AFF3: variants seen among roughly 807,000 people sequenced by gnomAD.
AFF3 encodes the protein ALF transcription elongation factor 3, also known as AF4/FMR2 family member 3.
In AFF3, 32 loss-of-function variants were observed where a neutral mutation model predicts 129.7. The ratio of observed to expected loss-of-function variants is 0.25; its 90% confidence interval spans 0.19 to 0.33. The LOEUF (loss-of-function observed/expected upper bound fraction) is 0.33, where lower values mean the gene tolerates loss of function less well. Ranked by LOEUF, AFF3 falls within the 10% of genes least tolerant of loss-of-function variation. The pLI, the probability that AFF3 is intolerant of heterozygous loss-of-function variation, is 1.00. For synonymous variants in AFF3, 644 were observed against 635.4 expected (o/e 1.01, Z -0.20); for missense variants, 1,373 against 1,592.0 (o/e 0.86, Z 2.34).
intron 4 of AFF3, among the ~76,000 whole-genome samples, chr2:100,047,419 A>C (rs1365197146): frequency 1.3e-5 from 2 of 152,224 alleles, no homozygotes; most frequent in East Asian, 3.8e-4. Flanking sequence ...GGAGACGGTG[A>C]GTTCCAGAAC....
intron 13 of AFF3, among the ~76,000 whole-genome samples, chr2:99,634,177 G>A (rs188426831): frequency 1.3e-5 from 2 of 152,228 alleles, no homozygotes; most frequent in East Asian, 1.9e-4. Context: ...CAAAGTGCTG[G>A]GATTACAGGC....
At chr2:99,926,318 G>C (rs1696234598) in intron 7 of AFF3, among the ~76,000 whole-genome samples, 1 of 152,186 alleles carries the variant, frequency 6.6e-6, no homozygotes, top group African/African-American at 2.4e-5. Flanking sequence ...TCCCCAGTAA[G>C]CATGCACACC....
chr2:100,030,593 C>T (rs1392339487), intron 4 of AFF3, among the ~76,000 whole-genome samples: 1 of 152,154 alleles, frequency 6.6e-6, no homozygotes, highest in Admixed American at 6.5e-5. Flanking sequence ...TTCATAATCA[C>T]CAAAATCTGA....
At chr2:99,801,499 C>A (rs755205613) in intron 8 of AFF3, among the ~76,000 whole-genome samples, 1 of 152,104 alleles carries the variant, frequency 6.6e-6, no homozygotes, top group Non-Finnish European at 1.5e-5. Context: ...CAGGGGTGGG[C>A]CCCTAAGCAA....
At chr2:100,129,634 G>C (rs1692338867) in intron 1 of AFF3, among the ~76,000 whole-genome samples, 1 of 152,162 alleles carries the variant, frequency 6.6e-6, no homozygotes, top group South Asian at 2.1e-4. Flanking sequence ...TAATTCACTT[G>C]TTCTTCAGGT....
intron 4 of AFF3, among the ~76,000 whole-genome samples, chr2:100,052,594 C>G (rs932937644): frequency 6.6e-6 from 1 of 152,196 alleles, no homozygotes; most frequent in African/African-American, 2.4e-5. Context: ...CAGGGTCTGT[C>G]TCCAGTCCTC....
chr2:99,563,383 G>C (rs1310795256), intron 20 of AFF3, among the ~76,000 whole-genome samples: 1 of 151,438 alleles, frequency 6.6e-6, no homozygotes, highest in African/African-American at 2.4e-5. Context: ...GTAGAGACGG[G>C]GTTTCATCGT....
intron 8 of AFF3, among the ~76,000 whole-genome samples, chr2:99,812,669 C>A (rs2105601302): frequency 6.6e-6 from 1 of 152,306 alleles, no homozygotes; most frequent in South Asian, 2.1e-4. Context: ...ATTGCAGTTC[C>A]TATTAACGGC....
intron 7 of AFF3, among the ~76,000 whole-genome samples, chr2:99,937,994 G>T (rs1674682932): frequency 6.6e-6 from 1 of 152,130 alleles, no homozygotes; most frequent in Non-Finnish European, 1.5e-5. Flanking sequence ...ACAAAGAGAT[G>T]AATGTGGATC....
chr2:99,983,124 G>C (rs1018689714), intron 7 of AFF3, among the ~76,000 whole-genome samples: 1 of 152,232 alleles, frequency 6.6e-6, no homozygotes, highest in African/African-American at 2.4e-5. Flanking sequence ...GATTAGAAAT[G>C]TATTAAATGA....
chr2:99,563,295 A>T (rs1476463658), intron 20 of AFF3, among the ~76,000 whole-genome samples: 1 of 150,948 alleles, frequency 6.6e-6, no homozygotes, highest in Non-Finnish European at 1.5e-5. Flanking sequence ...GGTTCACGCC[A>T]TTCTCCTGCC....
At chr2:100,009,805 G>A (rs912575638) in intron 4 of AFF3, among the ~76,000 whole-genome samples, 2 of 152,198 alleles carry the variant, frequency 1.3e-5, no homozygotes, top group Admixed American at 1.3e-4. Context: ...AAATGCACTT[G>A]TTTTTCTGGC....
At chr2:99,972,306 A>G (rs1678465024) in intron 7 of AFF3, among the ~76,000 whole-genome samples, 1 of 151,768 alleles carries the variant, frequency 6.6e-6, no homozygotes, top group Admixed American at 6.5e-5. Context: ...CAGCAGAAAC[A>G]TTTGGACAGA....
chr2:99,581,203 C>A (rs1346784743), intron 17 of AFF3, among the ~76,000 whole-genome samples: 2 of 152,182 alleles, frequency 1.3e-5, no homozygotes, highest in Non-Finnish European at 2.9e-5. Context: ...TAAATAAAAT[C>A]TACAATTGGT....
chr2:99,820,975 C>T (rs558716633), intron 8 of AFF3, among the ~76,000 whole-genome samples: 1 of 149,436 alleles, frequency 6.7e-6, no homozygotes, highest in African/African-American at 2.5e-5. Context: ...CAGGTTCAAG[C>T]AATTCTCCTG....
rs560843153 is a variant in AFF3, at chr2:99,690,038, G to C, written c.1092-17449C>G. ...GGAGGTGGAGGTTGCAGTGAGCCGAGATCACACGACTGCACTCCAGCCTGG... is the reference window on the plus strand; with the variant it reads ...GGAGGTGGAGGTTGCAGTGAGCCGACATCACACGACTGCACTCCAGCCTGG... On this transcript the variant is annotated intron_variant, in intron 11 of 24. Coordinates refer to ENST00000672756, the MANE Select transcript of AFF3 (RefSeq NM_001386135.1). Among the ~76,000 whole-genome samples the C allele has an allele frequency of 4.7e-5, 7 of 148,198 alleles. No individual in the cohort carries two copies. The South Asian group carries it at 1.3e-3, about 28-fold the overall frequency.
intron 7 of AFF3, among the ~76,000 whole-genome samples, chr2:99,874,117 C>T (rs1231540801): frequency 1.3e-5 from 2 of 152,104 alleles, no homozygotes; most frequent in African/African-American, 2.4e-5. Flanking sequence ...GTGGAGCTTA[C>T]AGTGAGTCGA....
In AFF3 at chr2:100,042,282, C is replaced by T. The variant is rs72966461; in HGVS notation, c.54-33350G>A. The stretch of plus-strand genomic sequence containing the variant: ...AGAGGGCCCTCCGCAGCCACCCCAG[C>T]GAGTGCTGCCTTTCACCTGCAATCA... On this transcript the variant is annotated intron_variant, in intron 4 of 24. Coordinates refer to ENST00000672756, the MANE Select transcript of AFF3 (RefSeq NM_001386135.1). Among the ~76,000 whole-genome samples the T allele has an allele frequency of 6.6e-3, 1,010 of 152,350 alleles. 12 individuals are homozygous for T. The highest frequency in any genetic ancestry group is 0.022 in the African/African-American group (930 of 41,572).
At chr2:99,617,115 G>A (rs1367693491) in intron 13 of AFF3, among the ~76,000 whole-genome samples, 1 of 152,222 alleles carries the variant, frequency 6.6e-6, no homozygotes, top group East Asian at 1.9e-4. Flanking sequence ...GCCACTATGA[G>A]CATTCATGTC....
Sources: gnomAD v4.1 joint callset for allele counts (sites outside exome capture counted in the v4.1 genomes callset) on GRCh38, gnomAD v4.1.1 for gene constraint, MANE v1.5 for transcripts, NCBI Gene and HGNC (gene_info 2026-07-23, HGNC 2026-07-21) for gene names.